COL24A1: variants seen among roughly 807,000 people sequenced by gnomAD.
COL24A1 encodes the protein collagen alpha-1(XXIV) chain.
In COL24A1, 224 loss-of-function variants were observed where a neutral mutation model predicts 253.9. That is an observed-to-expected ratio of 0.88 (90% CI 0.79 to 0.99). The LOEUF is 0.99. Among genes scored for constraint, COL24A1 ranks in the 50% least tolerant of loss-of-function variants. The pLI, the probability that COL24A1 is intolerant of heterozygous loss-of-function variation, is 0.00. For synonymous variants in COL24A1, 685 were observed against 673.7 expected, an observed-to-expected ratio of 1.02 and a Z score of -0.26; for missense variants, 2,131 against 2,068.5, an observed-to-expected ratio of 1.03 and a Z score of -0.59.
At chr1:85,807,370 G>T (rs879264006) in intron 47 of COL24A1, among the ~76,000 whole-genome samples, 1 of 152,182 alleles carries the variant, frequency 6.6e-6, no homozygotes, top group African/African-American at 2.4e-5. Flanking sequence ...ATTGGAAATA[G>T]GTTCTCTGAT....
chr1:85,809,786 A>ACACACACACAC (rs1420661622), intron 47 of COL24A1, among the ~76,000 whole-genome samples: 1 of 147,254 alleles, frequency 6.8e-6, no homozygotes, highest in Non-Finnish European at 1.5e-5. Context: ...TATAGTATAT[A>ACACACACACAC]ATATTATATA....
chr1:86,050,137 G>A lies in COL24A1; in HGVS notation c.1892C>T (p.Pro631Leu), dbSNP rs1700196841. 1 of 1,613,196 alleles carries A rather than the reference G, an allele frequency of 6.2e-7. No individual in the cohort carries two copies. Among genetic ancestry groups the A allele is most frequent in the Admixed American group, 1.7e-5 (1 of 59,990 alleles). ...GAATGGACTTACCCGTTCTCCTTCA[G>A]GTCCCAGTTGTCCCGCTTCTCCAGG... Reference protein sequence around the residue: ...GSPGEAGQLGPEGERGIPGIR... With the variant: ...GSPGEAGQLGLEGERGIPGIR... Residue 631 changes from proline to leucine, a missense_variant, in exon 11 of 60, where the codon CCT becomes CTT. Pro to Leu is a moderately conservative substitution (Grantham distance 98). Transcript: ENST00000370571.
intron 37 of COL24A1, among the ~76,000 whole-genome samples, chr1:85,865,671 C>A (rs1679713069): frequency 6.6e-6 from 1 of 152,148 alleles, no homozygotes; most frequent in Non-Finnish European, 1.5e-5. Flanking sequence ...TCCCTCTCTA[C>A]AAACTCTTAG....
chr1:86,116,343 ACCTAATGTG>A (rs1706133734), intron 3 of COL24A1, among the ~76,000 whole-genome samples: 1 of 152,190 alleles, frequency 6.6e-6, no homozygotes, highest in Non-Finnish European at 1.5e-5. Flanking sequence ...AAGCACTGTG[ACCTAATGTG>A]CTTTATTTTT....
chr1:86,105,449 C>A (rs918085247), intron 5 of COL24A1, among the ~76,000 whole-genome samples: 2 of 152,162 alleles, frequency 1.3e-5, no homozygotes, highest in African/African-American at 4.8e-5. Context: ...ATGCGGGCCC[C>A]CAGGGCCCCA....
Position 86,107,965 on chromosome 1 carries a change from T to G in COL24A1, c.1599+4602A>C, listed in dbSNP as rs552831512. Among the ~76,000 whole-genome samples the G allele has an allele frequency of 9.9e-5, 15 of 152,104 alleles. No homozygotes were observed. The South Asian group carries it at 3.1e-3, about 32-fold the overall frequency. ...TGACTAAATCCCCAAGAGGCCTAAGTTTTTGCAAAATAAATGTAAGTTTTT... is the reference window on the plus strand; with the variant it reads ...TGACTAAATCCCCAAGAGGCCTAAGGTTTTGCAAAATAAATGTAAGTTTTT... On this transcript the variant is annotated intron_variant, in intron 5 of 59. Coordinates refer to ENST00000370571, the MANE Select transcript of COL24A1 (RefSeq NM_152890.7).
chr1:86,008,904 TA>T (rs36174849), intron 19 of COL24A1, among the ~76,000 whole-genome samples: 1 of 102,874 alleles, frequency 9.7e-6, no homozygotes, highest in Non-Finnish European at 2.0e-5. Flanking sequence ...AACAAAAAAA[TA>T]AAATGCTTAA....
intron 47 of COL24A1, among the ~76,000 whole-genome samples, chr1:85,815,859 T>C (rs902661162): frequency 6.6e-6 from 1 of 152,162 alleles, no homozygotes; most frequent in African/African-American, 2.4e-5. Context: ...AATGTCTCAA[T>C]TAGGATGACA....
intron 19 of COL24A1, among the ~76,000 whole-genome samples, chr1:86,015,695 C>T (rs1696924422): frequency 6.6e-6 from 1 of 152,030 alleles, no homozygotes; most frequent in South Asian, 2.1e-4. Context: ...TCCAGGAAAG[C>T]TTTCATTAAA....
intron 42 of COL24A1, among the ~76,000 whole-genome samples, chr1:85,839,088 T>A (rs1444385524): frequency 6.6e-6 from 1 of 151,894 alleles, no homozygotes; most frequent in Non-Finnish European, 1.5e-5. Flanking sequence ...TAGTCCCAGC[T>A]ACTTGGGAGC....
intron 20 of COL24A1, among the ~76,000 whole-genome samples, chr1:85,984,904 C>A (rs751802147): frequency 1.3e-5 from 2 of 151,806 alleles, no homozygotes; most frequent in Non-Finnish European, 3.0e-5. Flanking sequence ...TCTTCCATCA[C>A]CTTCTGTTAA....
chr1:85,822,071 A>C (rs754369025), intron 45 of COL24A1, among the ~76,000 whole-genome samples: 1 of 152,184 alleles, frequency 6.6e-6, no homozygotes, highest in South Asian at 2.1e-4. Context: ...TAAAAATTCT[A>C]AGTGAATGAC....
chr1:85,933,258 T>G (rs995185636), intron 24 of COL24A1, among the ~76,000 whole-genome samples: 1 of 152,208 alleles, frequency 6.6e-6, no homozygotes, highest in South Asian at 2.1e-4. Context: ...CAGTATCTAA[T>G]TTTTGCTGTC....
intron 14 of COL24A1, among the ~76,000 whole-genome samples, chr1:86,028,955 T>C (rs911433246): frequency 4.6e-5 from 7 of 152,158 alleles, no homozygotes; most frequent in African/African-American, 1.7e-4. Context: ...AGACTAGATA[T>C]CTTGGGCCAT....
intron 37 of COL24A1, among the ~76,000 whole-genome samples, chr1:85,855,697 T>A (rs1678353780): frequency 6.6e-6 from 1 of 152,084 alleles, no homozygotes; most frequent in Non-Finnish European, 1.5e-5. Flanking sequence ...TATATCAGAA[T>A]GATGCTGGCC....
In COL24A1 at chr1:86,024,267, T is replaced by C. The variant is rs549348296; in HGVS notation, c.2050-1260A>G. Among the ~76,000 whole-genome samples, 5 of 152,278 alleles carry C rather than the reference T, an allele frequency of 3.3e-5. No homozygotes were observed. The South Asian group carries it at 6.2e-4, about 19-fold the overall frequency. On this transcript the variant is annotated intron_variant, in intron 14 of 59. Transcript: ENST00000370571. ...TACTACGCTACTTAGTACATGGCAC[T>C]GTACTTTTTTTTTCCTGCCTTCCTA... is the stretch of plus-strand genomic sequence containing the variant.
chr1:86,022,966 A>C lies in COL24A1; in HGVS notation c.2091T>G (p.Ile697Met). The change falls in exon 15 of 60, where the codon ATT (isoleucine) becomes ATG (methionine). Residue 697 changes from isoleucine (I) to methionine (M), a missense_variant. Coordinates refer to ENST00000370571, the MANE Select transcript of COL24A1 (RefSeq NM_152890.7). Reference sequence around the variant, plus strand: ...AATAGAACCATACCATTGGGCCAGGAATTCCAGCAGGTCCAATTGGTCCCA... The same window carrying C: ...AATAGAACCATACCATTGGGCCAGGCATTCCAGCAGGTCCAATTGGTCCCA... Reference protein sequence around the residue: ...GPVGPIGPAGIPGPMGLSGNK... With the variant: ...GPVGPIGPAGMPGPMGLSGNK... The C allele has an allele frequency of 6.2e-7, 1 of 1,613,352 alleles. No individual in the cohort carries two copies. The highest frequency in any genetic ancestry group is 2.2e-5 in the East Asian group (1 of 44,808).
In COL24A1 at chr1:85,945,002, G is replaced by GTTTTTTTT. The variant is rs1165341082; in HGVS notation, c.2562+16239_2562+16246dup. Among the ~76,000 whole-genome samples, 98 of 35,362 alleles carry GTTTTTTTT rather than the reference G, an allele frequency of 2.8e-3. 7 individuals carry two copies. The highest frequency in any genetic ancestry group is 0.028 in the Middle Eastern group (1 of 36). 23.2% of individuals were successfully genotyped at this position (35,362 alleles called of 152,430 possible). On this transcript the variant is annotated intron_variant, in intron 24 of 59. Transcript: ENST00000370571. ...TTTTCTTAATCCAGTCTATCATTGTGTTTTTTTTTTTTTTTTTTTTTTTTT... is the reference window on the plus strand; with the variant it reads ...TTTTCTTAATCCAGTCTATCATTGTGTTTTTTTTTTTTTTTTTTTTTTTTTTTTTTTTT...
intron 45 of COL24A1, among the ~76,000 whole-genome samples, chr1:85,822,727 T>C (rs1055662133): frequency 6.6e-6 from 1 of 152,164 alleles, no homozygotes; most frequent in African/African-American, 2.4e-5. Flanking sequence ...TGTACTTCCT[T>C]GTAAAATCCA....
Sources: allele counts gnomAD v4.1 joint callset (sites outside exome capture counted in the v4.1 genomes callset), GRCh38; gene constraint gnomAD v4.1.1; transcripts MANE v1.5; gene names NCBI Gene and HGNC (gene_info 2026-07-23, HGNC 2026-07-21).